Variants in SGIP1 observed in about 807,000 individuals in gnomAD.
SGIP1 encodes SH3-containing GRB2-like protein 3-interacting protein 1.
Under a neutral mutation model 107.5 loss-of-function variants are expected in SGIP1, and 38 were observed. That is an observed-to-expected ratio of 0.35 (90% CI 0.27 to 0.46). SGIP1 has a LOEUF of 0.46. Ranked by LOEUF, SGIP1 falls within the 20% of genes least tolerant of loss-of-function variation. The pLI, the probability that SGIP1 is intolerant of heterozygous loss-of-function variation, is 1.00. For synonymous variants in SGIP1, 365 were observed against 366.1 expected, an observed-to-expected ratio of 1.00 and a Z score of 0.03; for missense variants, 929 against 1,019.5, an observed-to-expected ratio of 0.91 and a Z score of 1.21.
chr1:66,667,541 G>A lies in SGIP1; in HGVS notation c.483G>A (p.Pro161=), dbSNP rs201624009. The part of the protein sequence containing the change: ...SPVRKSPRRS[P]GAIKRNLSSE... ...TTTGCTGATCACAGAGGCGCAGCCC[G>A]GTAAGAACTCTCAACATTTTTACCT... The change falls in exon 9 of 25, where the codon CCG becomes CCA. Residue 161 remains proline, a splice_region_variant and synonymous_variant. Transcript: ENST00000371037. 4.9e-4 allele frequency: 790 copies of A among 1,613,538 alleles called. 2 individuals are homozygous for A. Among genetic ancestry groups the A allele is most frequent in the Non-Finnish European group, 2.3e-4 (276 of 1,179,742 alleles).
intron 1 of SGIP1, among the ~76,000 whole-genome samples, chr1:66,620,966 G>A (rs995346748): frequency 1.3e-5 from 2 of 152,166 alleles, no homozygotes; most frequent in East Asian, 1.9e-4. Flanking sequence ...TTTAAAGAAT[G>A]TTCTTTTCAT....
In SGIP1 at chr1:66,690,267, T is replaced by A. The variant is rs1298580558; in HGVS notation, c.1521T>A (p.Ser507=). Residue 507 remains serine (S), a synonymous_variant, in exon 17 of 25, where the codon TCT becomes TCA. Transcript: ENST00000371037. ...IAPLARAEST[S]SISSTNSLSA... ...CCTTAGCGCGGGCTGAAAGCACTTC[T>A]TCAATATCGTCAACCAATTCCTTGA... 3 of 1,614,096 alleles carry A rather than the reference T, an allele frequency of 1.9e-6. No homozygotes were observed. In the African/African-American group the frequency reaches 4.0e-5, roughly 22 times the overall value.
chr1:66,737,173 T>G (rs2094292650), intron 21 of SGIP1, among the ~76,000 whole-genome samples: 1 of 152,210 alleles, frequency 6.6e-6, no homozygotes, highest in African/African-American at 2.4e-5. Flanking sequence ...AGGCAGAAGT[T>G]AACTTTCATG....
Position 66,674,547 on chromosome 1 carries a change from G to C in SGIP1, c.646+1181G>C, listed in dbSNP as rs151280227. ...TAAAGAATTGGAAGCATAGTGGGTAGACTAAGCTACATTAACAAAGAGACC... is the reference window on the plus strand; with the variant it reads ...TAAAGAATTGGAAGCATAGTGGGTACACTAAGCTACATTAACAAAGAGACC... On this transcript the variant is annotated intron_variant, in intron 12 of 24. Transcript: ENST00000371037. 3.7e-3 allele frequency among the ~76,000 whole-genome samples: 569 copies of C among 152,300 alleles called. 2 individuals carry two copies. Among genetic ancestry groups the C allele is most frequent in the Middle Eastern group, 0.014 (4 of 294 alleles).
chr1:66,542,402 G>T (rs1032049533), intron 1 of SGIP1, among the ~76,000 whole-genome samples: 1 of 152,198 alleles, frequency 6.6e-6, no homozygotes, highest in African/African-American at 2.4e-5. Flanking sequence ...CTGATGATGT[G>T]AGATGTTACA....
intron 18 of SGIP1, among the ~76,000 whole-genome samples, chr1:66,713,366 G>A (rs765948971): frequency 1.3e-5 from 2 of 152,084 alleles, no homozygotes; most frequent in Non-Finnish European, 2.9e-5. Flanking sequence ...ATCTAGGATT[G>A]AATTTCAGCT....
rs376908684 is a variant in SGIP1 at position 66,579,639 on chromosome 1, T to C, written c.10+45271T>C. Among the ~76,000 whole-genome samples, 48 of 152,296 alleles carry C rather than the reference T, an allele frequency of 3.2e-4. No homozygotes were observed. The Middle Eastern group carries it at 0.014, about 43-fold the overall frequency. On this transcript the variant is annotated intron_variant, in intron 1 of 24. Transcript: ENST00000371037. ...ACTGCTTGTAATTCTCACAATCTTCTTACTTTTTTGTCCACCCTTGCCTTG... is the reference window on the plus strand; with the variant it reads ...ACTGCTTGTAATTCTCACAATCTTCCTACTTTTTTGTCCACCCTTGCCTTG...
chr1:66,568,556 C>T (rs767278836), intron 1 of SGIP1, among the ~76,000 whole-genome samples: 20 of 152,028 alleles, frequency 1.3e-4, no homozygotes, highest in Non-Finnish European at 2.4e-4. Context: ...TGAGAGAGGA[C>T]GTCCTTGTCC....
chr1:66,642,605 G>A (rs533551999), intron 5 of SGIP1, among the ~76,000 whole-genome samples: 44 of 152,000 alleles, frequency 2.9e-4, no homozygotes, highest in African/African-American at 8.7e-4. Flanking sequence ...ATTCCTCCTC[G>A]TTTATTTTCC....
intron 1 of SGIP1, among the ~76,000 whole-genome samples, chr1:66,586,786 C>T (rs6689183): frequency 0.13 from 19,938 of 152,010 alleles, 1,324 homozygotes; most frequent in South Asian, 0.14. Flanking sequence ...TTCTTCTTTC[C>T]TAATGTTCTA....
At chr1:66,623,638 T>G (rs1432008815) in intron 1 of SGIP1, among the ~76,000 whole-genome samples, 1 of 152,204 alleles carries the variant, frequency 6.6e-6, no homozygotes, top group Non-Finnish European at 1.5e-5. Flanking sequence ...TGACATTCTA[T>G]GTATAAGTGT....
rs35762612 is a variant in SGIP1 at position 66,592,897 on chromosome 1, C to CTT, written c.11-32921_11-32920dup. Reference sequence around the variant, plus strand: ...CTTTCCTTCTTTCTTTCTTCTTCTTCTTTTTTTTTTTTTTTTTTTTTTTTT... The same window carrying CTT: ...CTTTCCTTCTTTCTTTCTTCTTCTTCTTTTTTTTTTTTTTTTTTTTTTTTTTT... On this transcript the variant is annotated intron_variant, in intron 1 of 24. Transcript: ENST00000371037. Among the ~76,000 whole-genome samples, 202 of 56,360 alleles carry CTT rather than the reference C, an allele frequency of 3.6e-3. 3 individuals are homozygous for CTT. Among genetic ancestry groups the CTT allele is most frequent in the African/African-American group, 9.5e-3 (110 of 11,638 alleles). The allele number at this position is 56,360 out of a possible 152,430, so 37.0% of individuals were successfully genotyped here.
intron 6 of SGIP1, among the ~76,000 whole-genome samples, chr1:66,643,268 G>T (rs2077101244): frequency 6.6e-6 from 1 of 152,164 alleles, no homozygotes; most frequent in Admixed American, 6.5e-5. Context: ...GCTCACATGT[G>T]CTTGTCTGTG....
intron 15 of SGIP1, among the ~76,000 whole-genome samples, chr1:66,686,690 G>A (rs567260442): frequency 6.6e-6 from 1 of 152,192 alleles, no homozygotes; most frequent in Non-Finnish European, 1.5e-5. Flanking sequence ...ATATCCTTTT[G>A]CTTCTTAGAC....
intron 1 of SGIP1, among the ~76,000 whole-genome samples, chr1:66,621,050 A>T (rs923327921): frequency 1.3e-5 from 2 of 152,184 alleles, no homozygotes; most frequent in Admixed American, 6.5e-5. Flanking sequence ...CTCACCATCT[A>T]GTGGGATTAA....
At chr1:66,654,167 A>G (rs991968189) in intron 7 of SGIP1, among the ~76,000 whole-genome samples, 1 of 152,140 alleles carries the variant, frequency 6.6e-6, no homozygotes, top group Non-Finnish European at 1.5e-5. Context: ...AATGCAACTT[A>G]CATTACTTGC....
intron 17 of SGIP1, chr1:66,695,119 A>C (rs759491496): frequency 6.5e-5 from 30 of 461,376 alleles, no homozygotes; most frequent in Non-Finnish European, 9.8e-5. Flanking sequence ...TAGTGCAGTT[A>C]AAATATGCTG....
At chr1:66,681,743 C>G (rs773197498) in intron 14 of SGIP1, 126 bp from the exon 15 acceptor site, 2 of 889,304 alleles carry the variant, frequency 2.2e-6, no homozygotes, top group Non-Finnish European at 3.4e-6. Flanking sequence ...GATATTTTTA[C>G]ATCATGAAGT....
At chr1:66,664,125 T>C (rs529531965) in intron 8 of SGIP1, among the ~76,000 whole-genome samples, 13 of 152,314 alleles carry the variant, frequency 8.5e-5, no homozygotes, top group African/African-American at 2.6e-4. Flanking sequence ...CTTTTTAATC[T>C]GGTCACTAAA....
Sources: allele counts gnomAD v4.1 joint callset (sites outside exome capture counted in the v4.1 genomes callset), GRCh38; gene constraint gnomAD v4.1.1; transcripts MANE v1.5; gene names NCBI Gene and HGNC (gene_info 2026-07-23, HGNC 2026-07-21).